The following BTBD10 variants were observed in gnomAD, a reference collection of about 807,000 sequenced individuals.
BTBD10 encodes BTB domain containing 10.
BTBD10 carries 21 observed loss-of-function variants against 53.2 expected under a neutral mutation model. The observed-to-expected ratio is 0.39, with a 90% CI of 0.28 to 0.57. The LOEUF (loss-of-function observed/expected upper bound fraction) is 0.57. BTBD10 is among the 20% of genes least tolerant of loss of function. The pLI is 0.53. For synonymous variants in BTBD10, 149 were observed against 192.7 expected, an observed-to-expected ratio of 0.77 and a Z score of 1.88; for missense variants, 360 against 594.7, an observed-to-expected ratio of 0.61 and a Z score of 4.10.
chr11:13,391,015 T>C (rs993027306), intron 8 of BTBD10, among the ~76,000 whole-genome samples: 2 of 152,202 alleles, frequency 1.3e-5, no homozygotes, highest in Non-Finnish European at 1.5e-5. Flanking sequence ...TTAGAAAGAC[T>C]TTAAAATTCC....
chr11:13,433,714 C>T (rs1426320493), intron 2 of BTBD10, among the ~76,000 whole-genome samples: 2 of 152,144 alleles, frequency 1.3e-5, no homozygotes, highest in African/African-American at 2.4e-5. Flanking sequence ...TGTTTTCATG[C>T]TACAATGACA....
Position 13,440,158 on chromosome 11 carries a change from T to G in BTBD10, c.101+4866A>C, listed in dbSNP as rs746893596. On this transcript the variant is annotated intron_variant, in intron 2 of 8. Coordinates refer to ENST00000278174, the MANE Select transcript of BTBD10 (RefSeq NM_032320.7). ...CTGTGTAATAATGCTGTTGCAATAT[T>G]TAGGCTTTAAATATTCAGAGATACA... The G allele has an allele frequency of 1.4e-4, 202 of 1,489,540 alleles. 1 individual carries two copies. Among genetic ancestry groups the G allele is most frequent in the Admixed American group, 8.1e-5 (4 of 49,320 alleles). 92.3% of individuals were successfully genotyped at this position (1,489,540 alleles called of 1,614,324 possible). A position where few individuals can be genotyped will look rare whatever the true frequency, so the allele number is the denominator to read the frequency against.
chr11:13,458,686 T>C (rs976507049), intron 1 of BTBD10, among the ~76,000 whole-genome samples: 6 of 152,236 alleles, frequency 3.9e-5, no homozygotes, highest in African/African-American at 9.6e-5. Context: ...GTCTCTCTAA[T>C]AATTATTCTC....
chr11:13,407,104 T>A (rs1283251780), intron 6 of BTBD10, among the ~76,000 whole-genome samples: 1 of 152,136 alleles, frequency 6.6e-6, no homozygotes, highest in Non-Finnish European at 1.5e-5. Flanking sequence ...TGGAACACTC[T>A]TTCTTGAAAC....
intron 2 of BTBD10, among the ~76,000 whole-genome samples, chr11:13,426,263 T>A (rs536420544): frequency 6.6e-6 from 1 of 152,052 alleles, no homozygotes; most frequent in South Asian, 2.1e-4. Flanking sequence ...ATAAGAAGGA[T>A]CTGCATTGAT....
At chr11:13,396,435 T>C (rs1438724681) in intron 8 of BTBD10, among the ~76,000 whole-genome samples, 1 of 152,214 alleles carries the variant, frequency 6.6e-6, no homozygotes, top group African/African-American at 2.4e-5. Context: ...TTAAGGAGAT[T>C]TTGGGCTGAG....
intron 8 of BTBD10, among the ~76,000 whole-genome samples, chr11:13,395,873 G>A (rs1238908375): frequency 6.6e-6 from 1 of 152,070 alleles, no homozygotes; most frequent in African/African-American, 2.4e-5. Flanking sequence ...ATTTCTGAGG[G>A]CTCTGTTCTG....
intron 8 of BTBD10, among the ~76,000 whole-genome samples, chr11:13,401,266 C>T (rs1949711555): frequency 6.6e-6 from 1 of 151,894 alleles, no homozygotes; most frequent in Non-Finnish European, 1.5e-5. Flanking sequence ...AGTTATGGCC[C>T]AATGCTTTAG....
At chr11:13,405,171 A>G (rs1949793137) in intron 7 of BTBD10, among the ~76,000 whole-genome samples, 1 of 152,196 alleles carries the variant, frequency 6.6e-6, no homozygotes, top group Admixed American at 6.5e-5. Flanking sequence ...ATGAAGGGTC[A>G]TTGTATCCTT....
intron 2 of BTBD10, among the ~76,000 whole-genome samples, chr11:13,444,126 T>A (rs1160732686): frequency 6.6e-6 from 1 of 151,984 alleles, no homozygotes. Flanking sequence ...TCAGGAGACT[T>A]AAAAAGTACC....
intron 4 of BTBD10, 38 bp downstream of exon 4, chr11:13,419,422 T>G (rs1193784747): frequency 6.3e-7 from 1 of 1,589,912 alleles, no homozygotes; most frequent in South Asian, 1.2e-5. Flanking sequence ...TAAAAGCACA[T>G]TATAATTAGT....
chr11:13,445,056 A>G lies in BTBD10; in HGVS notation c.69T>C (p.His23=), dbSNP rs142523438. ...SDPENWDRKL[H]SRPRKLYKHS... ...GTTTATAAAGTTTACGAGGTCTACT[A>G]TGCAATTTCCGATCCCAATTCTCTG... The change falls in exon 2 of 9, where the codon CAT becomes CAC. Residue 23 remains histidine, a synonymous_variant. Coordinates refer to ENST00000278174, the MANE Select transcript of BTBD10 (RefSeq NM_032320.7). 56 of 1,613,088 alleles carry G rather than the reference A, an allele frequency of 3.5e-5. No homozygotes were observed. The highest frequency in any genetic ancestry group is 5.3e-5 in the African/African-American group (4 of 74,986).
intron 7 of BTBD10, among the ~76,000 whole-genome samples, chr11:13,403,570 G>C (rs1294759649): frequency 6.6e-6 from 1 of 152,120 alleles, no homozygotes; most frequent in East Asian, 1.9e-4. Context: ...ATTGGAATGG[G>C]ATCTGCCCCA....
intron 8 of BTBD10, among the ~76,000 whole-genome samples, chr11:13,397,420 A>T (rs9734637): frequency 6.6e-6 from 1 of 151,138 alleles, no homozygotes; most frequent in African/African-American, 2.4e-5. Flanking sequence ...CGTCTATTTG[A>T]TTCTTCTCTC....
In BTBD10 at chr11:13,419,895, C is replaced by T. The variant is rs1950208616; in HGVS notation, c.299-150G>A. On this transcript the variant is annotated intron_variant, in intron 3 of 8. Transcript: ENST00000278174. ...TTCAAATAAGATGTTAACAGAACACCATAAACATTCATTTAGTTCCCAGGA... is the reference window on the plus strand; with the variant it reads ...TTCAAATAAGATGTTAACAGAACACTATAAACATTCATTTAGTTCCCAGGA... 3.9e-6 allele frequency: 3 copies of T among 770,370 alleles called. No individual in the cohort carries two copies. The South Asian group carries it at 7.0e-5, about 18-fold the overall frequency. 47.7% of individuals were successfully genotyped at this position (770,370 alleles called of 1,614,324 possible).
chr11:13,398,007 A>G (rs977274946), intron 8 of BTBD10, among the ~76,000 whole-genome samples: 2 of 152,186 alleles, frequency 1.3e-5, no homozygotes, highest in African/African-American at 4.8e-5. Flanking sequence ...GCTGAAAAGA[A>G]TGTATATTCT....
intron 1 of BTBD10, among the ~76,000 whole-genome samples, chr11:13,459,887 C>T (rs1362266473): frequency 3.9e-5 from 6 of 152,128 alleles, no homozygotes; most frequent in African/African-American, 1.2e-4. Flanking sequence ...TGGGAAGAAG[C>T]GGAAAGCTAT....
At chr11:13,423,021 G>T (rs1440451349) in intron 2 of BTBD10, among the ~76,000 whole-genome samples, 1 of 152,096 alleles carries the variant, frequency 6.6e-6, no homozygotes, top group African/African-American at 2.4e-5. Context: ...TACTAAATGG[G>T]TATCAGATAA....
chr11:13,396,262 G>C (rs891769362), intron 8 of BTBD10, among the ~76,000 whole-genome samples: 27 of 152,254 alleles, frequency 1.8e-4, no homozygotes, highest in Admixed American at 7.8e-4. Flanking sequence ...CACATCCCTT[G>C]TAAGTTGGAT....
Sources: gnomAD v4.1 joint callset for allele counts (sites outside exome capture counted in the v4.1 genomes callset) on GRCh38, gnomAD v4.1.1 for gene constraint, MANE v1.5 for transcripts, NCBI Gene and HGNC (gene_info 2026-07-23, HGNC 2026-07-21) for gene names.